Variants in PIP5K1C observed in about 807,000 individuals in gnomAD.
PIP5K1C encodes phosphatidylinositol-4-phosphate 5-kinase type 1 gamma.
Under a neutral mutation model 80.1 loss-of-function variants are expected in PIP5K1C, and 45 were observed. The ratio of observed to expected loss-of-function variants is 0.56; its 90% CI spans 0.44 to 0.72. The LOEUF is 0.72. Ranked by LOEUF, PIP5K1C falls within the 30% of genes least tolerant of loss-of-function variation. The pLI is 0.00. For synonymous variants in PIP5K1C, 498 were observed against 420.1 expected, an observed-to-expected ratio of 1.19 and a Z score of -2.27; for missense variants, 753 against 954.6, an observed-to-expected ratio of 0.79 and a Z score of 2.78.
At chr19:3,650,066 T>A (rs2034377545) in intron 8 of PIP5K1C, 1 of 159,754 alleles carries the variant, frequency 6.3e-6, no homozygotes, top group Non-Finnish European at 1.4e-5. Context: ...GTGCCTGGCC[T>A]TGGCTCCCGC....
intron 8 of PIP5K1C, among the ~76,000 whole-genome samples, chr19:3,650,305 G>T (rs977745910): frequency 6.6e-6 from 1 of 152,160 alleles, no homozygotes; most frequent in Non-Finnish European, 1.5e-5. Context: ...CTGGAAACAG[G>T]GGAAGCCCAC....
At chr19:3,671,071 G>A (rs973027178) in intron 1 of PIP5K1C, among the ~76,000 whole-genome samples, 7 of 152,224 alleles carry the variant, frequency 4.6e-5, no homozygotes, top group Admixed American at 2.6e-4. Flanking sequence ...GAAAAGAAGA[G>A]AGGGCAGGAA....
chr19:3,630,956 G>A lies in PIP5K1C; in HGVS notation c.*2211C>T, dbSNP rs2033452292. The A allele has an allele frequency of 6.6e-6, 1 of 152,326 alleles. No individual in the cohort carries two copies. The highest frequency in any genetic ancestry group is 1.5e-5 in the Non-Finnish European group (1 of 68,106). 9.4% of individuals were successfully genotyped at this position (152,326 alleles called of 1,614,324 possible). ...CCTCCTGCCCCCGCCCCTCGGCACA[G>A]TCAGTGGAGCACGTCAGCCTCGGTT... On this transcript the variant is annotated 3_prime_UTR_variant, in exon 18 of 18. Coordinates refer to ENST00000335312, the MANE Select transcript of PIP5K1C (RefSeq NM_012398.3).
chr19:3,633,176 G>C lies in PIP5K1C; in HGVS notation c.2005-7C>G. 1.3e-6 allele frequency: 1 copy of C among 768,210 alleles called. No homozygotes were observed. 47.6% of individuals were successfully genotyped at this position (768,210 alleles called of 1,614,324 possible). A position where few individuals can be genotyped will look rare whatever the true frequency, so the allele number is the denominator to read the frequency against. ...GGGGGCTGCATAGAAATTACTGCAA[G>C]AGCAAGAGGACAGGTGAAGGTGGGC... is the stretch of plus-strand genomic sequence containing the variant. On this transcript the variant is annotated splice_region_variant and splice_polypyrimidine_tract_variant and intron_variant, in intron 17 of 17. Transcript: ENST00000335312.
rs145192608 is a variant in PIP5K1C, at chr19:3,651,941, C to T, written c.1012G>A (p.Ala338Thr). ...QHERERQAQGAQSTSDEKRPV... is the reference protein window; with the variant it reads ...QHERERQAQGTQSTSDEKRPV... ...CGCTTCTCATCTGAGGTGCTCTGGG[C>T]GCCCTGCGCCTGCCGCTCGCGCTCG... Residue 338 changes from alanine (A) to threonine (T), a missense_variant, in exon 8 of 18, where the codon GCC becomes ACC. Physicochemically the swap from Ala to Thr is moderately conservative, Grantham distance 58 (BLOSUM62 0). Around this residue, in one of 6 missense-constraint regions of PIP5K1C, gnomAD observed 105 missense variants for 133.4 expected, o/e 0.79. Transcript: ENST00000335312. 7.3e-5 allele frequency: 117 copies of T among 1,612,758 alleles called. 1 individual carries two copies. Among genetic ancestry groups the T allele is most frequent in the Non-Finnish European group, 9.0e-5 (106 of 1,179,954 alleles).
chr19:3,683,865 C>A (rs1290443341), intron 1 of PIP5K1C, among the ~76,000 whole-genome samples: 1 of 149,598 alleles, frequency 6.7e-6, no homozygotes, highest in Non-Finnish European at 1.5e-5. Context: ...CGCTTCCCCT[C>A]CCGGGCAGTC....
intron 8 of PIP5K1C, chr19:3,650,088 G>A (rs1286718270): frequency 8.3e-5 from 13 of 157,498 alleles, no homozygotes; most frequent in African/African-American, 2.4e-5. Flanking sequence ...CCCCCCCGCA[G>A]CTACACCCTG....
rs1170688975 is a variant in PIP5K1C, at chr19:3,700,449, G to T, written c.-59C>A. The T allele has an allele frequency of 2.2e-5, 21 of 944,146 alleles. No individual in the cohort carries two copies. The highest frequency in any genetic ancestry group is 2.7e-5 in the Non-Finnish European group (21 of 783,948). 58.5% of individuals were successfully genotyped at this position (944,146 alleles called of 1,614,324 possible). A position where few individuals can be genotyped will look rare whatever the true frequency, so the allele number is the denominator to read the frequency against. ...GGGGACCCGAGCTGCGACCGCCGCCGCCGAACAACAAGCGCCGCCGGCCAA... is the reference window on the plus strand; with the variant it reads ...GGGGACCCGAGCTGCGACCGCCGCCTCCGAACAACAAGCGCCGCCGGCCAA... On this transcript the variant is annotated 5_prime_UTR_variant, in exon 1 of 18. Transcript: ENST00000335312.
rs2035198020 is a variant in PIP5K1C at position 3,671,293 on chromosome 19, C to A, written c.95-3940G>T. ...CACAGCGCTTGGGTCCACCCCTGCC[C>A]GGACTCTCCCAGGCTCCCTACGGCC... On this transcript the variant is annotated intron_variant, in intron 1 of 17. Coordinates refer to ENST00000335312, the MANE Select transcript of PIP5K1C (RefSeq NM_012398.3). Among the ~76,000 whole-genome samples the A allele has an allele frequency of 5.3e-5, 8 of 152,372 alleles. No individual in the cohort carries two copies. In the South Asian group the frequency reaches 1.7e-3, roughly 32 times the overall value.
intron 1 of PIP5K1C, among the ~76,000 whole-genome samples, chr19:3,697,472 C>T (rs970894277): frequency 4.2e-5 from 6 of 144,226 alleles, no homozygotes; most frequent in East Asian, 2.1e-4. Context: ...CGAGGAGGAC[C>T]GAGCTGGACC....
intron 1 of PIP5K1C, among the ~76,000 whole-genome samples, chr19:3,678,193 G>C (rs1408794739): frequency 7.4e-6 from 1 of 135,852 alleles, no homozygotes; most frequent in Non-Finnish European, 1.6e-5. Flanking sequence ...ATGGAGAATG[G>C]AGGATGAAGG....
At position 3,648,808 on chromosome 19, in the gene PIP5K1C, G is replaced by C; in HGVS notation, c.1128-100C>G. 3 of 1,001,738 alleles carry C rather than the reference G, an allele frequency of 3.0e-6. No individual in the cohort carries two copies. Among genetic ancestry groups the C allele is most frequent in the Non-Finnish European group, 4.7e-6 (3 of 643,124 alleles). The allele number at this position is 1,001,738 out of a possible 1,614,324, so 62.1% of individuals were successfully genotyped here. A position where few individuals can be genotyped will look rare whatever the true frequency, so the allele number is the denominator to read the frequency against. On this transcript the variant is annotated intron_variant, in intron 8 of 17. Coordinates refer to ENST00000335312, the MANE Select transcript of PIP5K1C (RefSeq NM_012398.3). This position sits in a 1 kb window ranked among gnomAD's most constrained non-coding sequence, Gnocchi z 4.3. ...AGGGCTAGGGAGTCCATCTGCTCCTGTGGGTGGCAACTTGGCCAAGCTCTC... is the reference window on the plus strand; with the variant it reads ...AGGGCTAGGGAGTCCATCTGCTCCTCTGGGTGGCAACTTGGCCAAGCTCTC...
chr19:3,692,028 A>G lies in PIP5K1C; in HGVS notation c.94+8269T>C, dbSNP rs772146497. ...CAGCGCATGCACCGTGGCCAGTCCA[A>G]GCACCGCACGGGAAGGGTGCACAGT... On this transcript the variant is annotated intron_variant, in intron 1 of 17. Coordinates refer to ENST00000335312, the MANE Select transcript of PIP5K1C (RefSeq NM_012398.3). The surrounding 1 kb of genome is among the most constrained non-coding windows in gnomAD (Gnocchi z 5.2). Among the ~76,000 whole-genome samples the G allele has an allele frequency of 2.6e-5, 4 of 152,164 alleles. No homozygotes were observed. Among genetic ancestry groups the G allele is most frequent in the Non-Finnish European group, 4.4e-5 (3 of 68,026 alleles).
At chr19:3,638,072 G>A (rs2033782245) in intron 16 of PIP5K1C, 1 of 1,445,590 alleles carries the variant, frequency 6.9e-7, no homozygotes, top group African/African-American at 1.4e-5. Flanking sequence ...AGGCCCTAAG[G>A]CCTGGTGCCC....
chr19:3,682,205 C>G (rs939671590), intron 1 of PIP5K1C, among the ~76,000 whole-genome samples: 11 of 151,838 alleles, frequency 7.2e-5, no homozygotes, highest in Non-Finnish European at 1.5e-4. Flanking sequence ...GAGGCCCCGT[C>G]TCTACTAAAA....
At chr19:3,680,537 G>A (rs2035559160) in intron 1 of PIP5K1C, among the ~76,000 whole-genome samples, 1 of 152,196 alleles carries the variant, frequency 6.6e-6, no homozygotes, top group Non-Finnish European at 1.5e-5. Context: ...CCTGACCTCA[G>A]GTGATCCACT....
chr19:3,652,123 GC>G, intron 7 of PIP5K1C, 92 bp from the exon 8 acceptor site: 1 of 1,210,916 alleles, frequency 8.3e-7, no homozygotes, highest in Non-Finnish European at 1.2e-6. Flanking sequence ...AGCACGGATG[GC>G]CCCGTGGGCT....
intron 3 of PIP5K1C, among the ~76,000 whole-genome samples, chr19:3,662,880 G>A (rs2034883977): frequency 6.6e-6 from 1 of 151,324 alleles, no homozygotes; most frequent in Non-Finnish European, 1.5e-5. Flanking sequence ...ATTATTTTTT[G>A]AGACAGAGTC....
chr19:3,651,601 C>T (rs2034452805), intron 8 of PIP5K1C, among the ~76,000 whole-genome samples: 1 of 152,260 alleles, frequency 6.6e-6, no homozygotes, highest in African/African-American at 2.4e-5. Context: ...GGAAACGCCC[C>T]CACCATTGCA....
Sources: allele counts gnomAD v4.1 joint callset (sites outside exome capture counted in the v4.1 genomes callset), GRCh38; gene constraint gnomAD v4.1.1; regional missense constraint gnomAD v4.1.1; non-coding constraint Gnocchi (gnomAD v3.1); transcripts MANE v1.5; gene names NCBI Gene and HGNC (gene_info 2026-07-23, HGNC 2026-07-21).